RNF182: variants seen among roughly 807,000 people sequenced by gnomAD.
The protein encoded by RNF182 is ring finger protein 182, also known as E3 ubiquitin-protein ligase RNF182.
A neutral mutation model predicts 14.4 loss-of-function variants in RNF182; 15 were observed. The ratio of observed to expected loss-of-function variants is 1.04; its 90% CI spans 0.70 to 1.60. The LOEUF is 1.60. Ranked by LOEUF, RNF182 falls within the 40% of genes most tolerant of loss-of-function variation. RNF182 has a pLI of 0.00. For synonymous variants in RNF182, 128 were observed against 122.9 expected, an observed-to-expected ratio of 1.04 and a Z score of -0.27; for missense variants, 268 against 294.8, an observed-to-expected ratio of 0.91 and a Z score of 0.67.
At chr6:13,973,699 A>G (rs1280081606) in intron 1 of RNF182, among the ~76,000 whole-genome samples, 2 of 152,144 alleles carry the variant, frequency 1.3e-5, no homozygotes, top group African/African-American at 4.8e-5. Flanking sequence ...CTCCCCAGCC[A>G]TGTGGAACTA....
upstream of RNF182, chr6:13,924,633 G>C (rs1461155199): frequency 6.6e-6 from 1 of 152,496 alleles, no homozygotes; most frequent in Non-Finnish European, 1.5e-5. Flanking sequence ...ACGGGAGTTG[G>C]AATGTCCAGT....
intron 1 of RNF182, among the ~76,000 whole-genome samples, chr6:13,952,506 G>T (rs145977244): frequency 1.3e-5 from 2 of 152,040 alleles, no homozygotes; most frequent in African/African-American, 4.8e-5. Flanking sequence ...TTCTGAGTTG[G>T]GTCTTTAACC....
rs192024038 is a variant in RNF182, at chr6:13,955,663, C to T, written c.-366-18547C>T. Among the ~76,000 whole-genome samples, 100 of 152,316 alleles carry T rather than the reference C, an allele frequency of 6.6e-4. 1 individual carries two copies. Among genetic ancestry groups the T allele is most frequent in the African/African-American group, 2.3e-3 (97 of 41,572 alleles). On this transcript the variant is annotated intron_variant, in intron 1 of 2. Coordinates refer to ENST00000488300, the MANE Select transcript of RNF182 (RefSeq NM_152737.4). ...CCTTGATGCATTATGTGCTCCATGG[C>T]AGAATGTTTCCATGTCTCAGTTGTA... is the stretch of plus-strand genomic sequence containing the variant.
chr6:13,961,067 G>A lies in RNF182; in HGVS notation c.-366-13143G>A, dbSNP rs779844661. Reference sequence around the variant, plus strand: ...TGAGCTTTATATATTATTTGTTGGCGTTCCATATAGATAATATAAACAAAA... The same window carrying A: ...TGAGCTTTATATATTATTTGTTGGCATTCCATATAGATAATATAAACAAAA... On this transcript the variant is annotated intron_variant, in intron 1 of 2. Transcript: ENST00000488300. Among the ~76,000 whole-genome samples the A allele has an allele frequency of 2.0e-4, 31 of 152,202 alleles. 1 individual carries two copies. The highest frequency in any genetic ancestry group is 6.3e-4 in the African/African-American group (26 of 41,546).
At chr6:13,926,244 A>C (rs1349865706) in intron 1 of RNF182, among the ~76,000 whole-genome samples, 1 of 152,224 alleles carries the variant, frequency 6.6e-6, no homozygotes, top group Non-Finnish European at 1.5e-5. Flanking sequence ...TTTTTGCTAG[A>C]GAGTAATTAA....
At chr6:13,972,178 G>A (rs979057354) in intron 1 of RNF182, among the ~76,000 whole-genome samples, 6 of 151,830 alleles carry the variant, frequency 4.0e-5, no homozygotes, top group Admixed American at 6.6e-5. Context: ...GGTGGAACGC[G>A]CCTGTAGTCT....
chr6:13,975,753 G>C (rs1230803856), intron 2 of RNF182, among the ~76,000 whole-genome samples: 5 of 152,172 alleles, frequency 3.3e-5, no homozygotes, highest in African/African-American at 1.2e-4. Context: ...TCTGCCCTCA[G>C]AACTGTTATG....
Position 13,941,079 on chromosome 6 carries a change from G to C in RNF182, c.-367+16056G>C, listed in dbSNP as rs147576925. ...TGCAGAATTTGGTGCACATAGATTG[G>C]GTCAAATTCATTAATTGTATTGATC... On this transcript the variant is annotated intron_variant, in intron 1 of 2. Transcript: ENST00000488300. 2.4e-3 allele frequency among the ~76,000 whole-genome samples: 365 copies of C among 151,754 alleles called. 1 individual carries two copies. Among genetic ancestry groups the C allele is most frequent in the African/African-American group, 8.2e-3 (340 of 41,452 alleles).
intron 1 of RNF182, among the ~76,000 whole-genome samples, chr6:13,966,274 A>G (rs1760026152): frequency 6.6e-6 from 1 of 152,228 alleles, no homozygotes; most frequent in African/African-American, 2.4e-5. Context: ...AAAGTTAACC[A>G]GAAACACAGA....
chr6:13,952,866 A>C lies in RNF182; in HGVS notation c.-366-21344A>C, dbSNP rs181610551. On this transcript the variant is annotated intron_variant, in intron 1 of 2. Transcript: ENST00000488300. ...TCTTAGTTAGGTACAATGCTTGTTT[A>C]TATATAAGATAACAAAGCAAAAAGT... Among the ~76,000 whole-genome samples, 10 of 152,320 alleles carry C rather than the reference A, an allele frequency of 6.6e-5. 1 individual carries two copies. Among genetic ancestry groups the C allele is most frequent in the Admixed American group, 3.3e-4 (5 of 15,300 alleles).
intron 1 of RNF182, among the ~76,000 whole-genome samples, chr6:13,963,698 C>T (rs1759937955): frequency 6.6e-6 from 1 of 152,128 alleles, no homozygotes; most frequent in Non-Finnish European, 1.5e-5. Flanking sequence ...AGAGCAAGAG[C>T]AGAAGCTTCA....
intron 1 of RNF182, among the ~76,000 whole-genome samples, chr6:13,970,838 G>T (rs1183969073): frequency 1.3e-5 from 2 of 152,144 alleles, no homozygotes; most frequent in Admixed American, 6.5e-5. Flanking sequence ...CGCGTTGGCA[G>T]AAAAATATAC....
At position 13,977,823 on chromosome 6, in the gene RNF182, T is replaced by G. The variant is rs1760378720; in HGVS notation, c.704T>G (p.Val235Gly). 1 of 1,614,098 alleles carries G rather than the reference T, an allele frequency of 6.2e-7. No individual in the cohort carries two copies. Among genetic ancestry groups the G allele is most frequent in the South Asian group, 1.1e-5 (1 of 91,064 alleles). The change falls in exon 3 of 3, where the codon GTT becomes GGT. Residue 235 changes from valine to glycine, a missense_variant. Coordinates refer to ENST00000488300, the MANE Select transcript of RNF182 (RefSeq NM_152737.4). ...ILMVYGFCQC[V>G]CHEFLDCMAP... ...ATGGTGTATGGTTTTTGCCAGTGTG[T>G]TTGTCATGAATTTCTAGACTGTATG...
chr6:13,944,733 C>T (rs889525621), intron 1 of RNF182, among the ~76,000 whole-genome samples: 1 of 152,176 alleles, frequency 6.6e-6, no homozygotes, highest in South Asian at 2.1e-4. Flanking sequence ...GAGGTCAGTA[C>T]TGTCTCTATG....
intron 1 of RNF182, among the ~76,000 whole-genome samples, chr6:13,944,255 G>T (rs927752604): frequency 2.0e-5 from 3 of 152,172 alleles, no homozygotes; most frequent in African/African-American, 7.2e-5. Flanking sequence ...CCTATTATCA[G>T]GTGTTGGCTA....
At chr6:13,961,275 A>G (rs1306468934) in intron 1 of RNF182, among the ~76,000 whole-genome samples, 10 of 152,260 alleles carry the variant, frequency 6.6e-5, no homozygotes, top group Admixed American at 3.9e-4. Flanking sequence ...CTGAAGTACC[A>G]TATCAATGGA....
At chr6:13,926,677 A>C (rs1358756603) in intron 1 of RNF182, among the ~76,000 whole-genome samples, 1 of 152,236 alleles carries the variant, frequency 6.6e-6, no homozygotes, top group Non-Finnish European at 1.5e-5. Context: ...TTTCTCACTT[A>C]AGCATGAACA....
At position 13,979,262 on chromosome 6, in the gene RNF182, T is replaced by C. The variant is rs926304433; in HGVS notation, c.*1399T>C. On this transcript the variant is annotated 3_prime_UTR_variant, in exon 3 of 3. Transcript: ENST00000488300. ...TTTAGCAGATTACAAGTTGGCAAAATAGACTGTTCACAGAAACTAGGCAAA... is the reference window on the plus strand; with the variant it reads ...TTTAGCAGATTACAAGTTGGCAAAACAGACTGTTCACAGAAACTAGGCAAA... 2 of 166,214 alleles carry C rather than the reference T, an allele frequency of 1.2e-5. No homozygotes were observed. The highest frequency in any genetic ancestry group is 2.4e-5 in the African/African-American group (1 of 41,424). The allele number at this position is 166,214 out of a possible 1,614,324, so 10.3% of individuals were successfully genotyped here. A position where few individuals can be genotyped will look rare whatever the true frequency, so the allele number is the denominator to read the frequency against.
intron 1 of RNF182, among the ~76,000 whole-genome samples, chr6:13,954,011 TC>T (rs976879737): frequency 2.0e-5 from 3 of 152,346 alleles, no homozygotes; most frequent in South Asian, 2.1e-4. Context: ...TTTATTTTTA[TC>T]TTTTTATTAT....
Sources: gnomAD v4.1 joint callset for allele counts (sites outside exome capture counted in the v4.1 genomes callset) on GRCh38, gnomAD v4.1.1 for gene constraint, MANE v1.5 for transcripts, NCBI Gene and HGNC (gene_info 2026-07-23, HGNC 2026-07-21) for gene names.